The following NME7 variants were observed in gnomAD, a reference collection of about 807,000 sequenced individuals.
The protein encoded by NME7 is NME/NM23 family member 7, also known as nucleoside diphosphate kinase 7.
A neutral mutation model predicts 49.1 loss-of-function variants in NME7; 41 were observed. The ratio of observed to expected loss-of-function variants is 0.83; its 90% CI spans 0.65 to 1.08. The LOEUF is 1.08. Ranked by LOEUF, NME7 falls within the 50% of genes least tolerant of loss-of-function variation. NME7 has a pLI of 0.00. For synonymous variants in NME7, 139 were observed against 150.6 expected, an observed-to-expected ratio of 0.92 and a Z score of 0.56; for missense variants, 423 against 463.4, an observed-to-expected ratio of 0.91 and a Z score of 0.80.
At chr1:169,225,358 C>T (rs1647285278) in intron 10 of NME7, among the ~76,000 whole-genome samples, 1 of 152,202 alleles carries the variant, frequency 6.6e-6, no homozygotes, top group African/African-American at 2.4e-5. Flanking sequence ...ATCTGCCTAC[C>T]TCAGCCTTCC....
chr1:169,236,902 A>G (rs1483517201), intron 8 of NME7, among the ~76,000 whole-genome samples: 1 of 152,030 alleles, frequency 6.6e-6, no homozygotes, highest in Non-Finnish European at 1.5e-5. Context: ...TTCACTATCA[A>G]AAAAGCACAA....
chr1:169,175,382 A>G (rs1164684977), intron 10 of NME7, among the ~76,000 whole-genome samples: 2 of 152,190 alleles, frequency 1.3e-5, no homozygotes, highest in Admixed American at 6.5e-5. Context: ...TAGAAAAAGT[A>G]TACTCTAAAA....
intron 10 of NME7, among the ~76,000 whole-genome samples, chr1:169,213,227 A>G (rs1277325339): frequency 2.6e-5 from 4 of 152,164 alleles, no homozygotes; most frequent in Non-Finnish European, 4.4e-5. Context: ...GATCATTAAT[A>G]TATTTGTTGT....
intron 10 of NME7, among the ~76,000 whole-genome samples, chr1:169,180,245 T>C (rs565873663): frequency 1.3e-5 from 2 of 152,306 alleles, no homozygotes; most frequent in South Asian, 2.1e-4. Flanking sequence ...TTAGTAGATA[T>C]AATCATTGTC....
intron 11 of NME7, among the ~76,000 whole-genome samples, chr1:169,153,342 A>C (rs1658963204): frequency 6.6e-6 from 1 of 152,108 alleles, no homozygotes; most frequent in Admixed American, 6.5e-5. Flanking sequence ...CAAAGTCTCC[A>C]CAATCTAGCT....
At chr1:169,194,776 C>T (rs1660327294) in intron 10 of NME7, among the ~76,000 whole-genome samples, 2 of 152,132 alleles carry the variant, frequency 1.3e-5, no homozygotes, top group Non-Finnish European at 2.9e-5. Flanking sequence ...AAAGTCAAAA[C>T]TAAATTCAAA....
intron 3 of NME7, chr1:169,310,520 T>A (rs12067351): frequency 0.042 from 6,524 of 153,614 alleles, 204 homozygotes; most frequent in East Asian, 0.12. Context: ...GAAATAATTA[T>A]AAATTCTTCT....
intron 10 of NME7, among the ~76,000 whole-genome samples, chr1:169,219,648 C>T (rs985462688): frequency 1.2e-4 from 19 of 152,176 alleles, no homozygotes; most frequent in Non-Finnish European, 2.4e-4. Flanking sequence ...GATCCTTACA[C>T]CTCAGCATCT....
At chr1:169,271,182 C>G (rs1288639728) in intron 7 of NME7, among the ~76,000 whole-genome samples, 5 of 133,640 alleles carry the variant, frequency 3.7e-5, no homozygotes, top group African/African-American at 1.3e-4. Flanking sequence ...AGTGAAACCA[C>G]TGCATCCACA....
intron 10 of NME7, among the ~76,000 whole-genome samples, chr1:169,183,267 T>C (rs1359248518): frequency 1.3e-5 from 2 of 152,204 alleles, no homozygotes; most frequent in Admixed American, 1.3e-4. Context: ...CTGGTGAATA[T>C]CCATAGCATA....
intron 7 of NME7, among the ~76,000 whole-genome samples, chr1:169,253,547 C>T (rs962326191): frequency 1.3e-4 from 20 of 152,022 alleles, no homozygotes; most frequent in African/African-American, 4.1e-4. Flanking sequence ...AATTGAATAC[C>T]CTTTATTTCC....
intron 2 of NME7, among the ~76,000 whole-genome samples, chr1:169,324,191 C>T (rs1651964669): frequency 6.6e-6 from 1 of 151,828 alleles, no homozygotes; most frequent in Non-Finnish European, 1.5e-5. Flanking sequence ...ACAAAAAATT[C>T]CTATTTTTGA....
At chr1:169,212,565 T>C (rs1660856848) in intron 10 of NME7, among the ~76,000 whole-genome samples, 1 of 151,104 alleles carries the variant, frequency 6.6e-6, no homozygotes. Flanking sequence ...CTTCTTATTT[T>C]AACTCTCACA....
chr1:169,147,665 G>A (rs746920438), intron 11 of NME7, among the ~76,000 whole-genome samples: 21 of 152,172 alleles, frequency 1.4e-4, no homozygotes, highest in Non-Finnish European at 2.9e-4. Flanking sequence ...TTTAATAGCA[G>A]AGCTATCTTT....
Position 169,267,216 on chromosome 1 carries a change from G to A in NME7, c.754+20087C>T, listed in dbSNP as rs1649344208. 1.5e-5 allele frequency among the ~76,000 whole-genome samples: 2 copies of A among 133,600 alleles called. 1 individual carries two copies. Among genetic ancestry groups the A allele is most frequent in the South Asian group, 4.6e-4 (2 of 4,356 alleles). The allele number at this position is 133,600 out of a possible 152,430, so 87.6% of individuals were successfully genotyped here. The stretch of plus-strand genomic sequence containing the variant: ...TCTAGGAATACAGCTAACCAAGGAA[G>A]TTAAAGATCTCTATAATGAAAATTA... On this transcript the variant is annotated intron_variant, in intron 7 of 11. Transcript: ENST00000367811.
chr1:169,215,745 G>GT (rs1257452619), intron 10 of NME7, among the ~76,000 whole-genome samples: 1 of 152,152 alleles, frequency 6.6e-6, no homozygotes, highest in Admixed American at 6.5e-5. Flanking sequence ...AGAAAATGTG[G>GT]TATACATATA....
chr1:169,183,350 C>T (rs12753816), intron 10 of NME7, among the ~76,000 whole-genome samples: 36,388 of 151,904 alleles, frequency 0.24, 5,324 homozygotes, highest in Non-Finnish European at 0.34. Context: ...TTAGACATGT[C>T]TATTACTATT....
intron 11 of NME7, among the ~76,000 whole-genome samples, chr1:169,162,204 C>A (rs1462098814): frequency 6.6e-6 from 1 of 152,182 alleles, no homozygotes; most frequent in African/African-American, 2.4e-5. Flanking sequence ...ATAATTCCAT[C>A]TCTTATGTGG....
rs79602574 is a variant in NME7, at chr1:169,306,689, T to C, written c.389+3281A>G. Among the ~76,000 whole-genome samples, 81 of 152,230 alleles carry C rather than the reference T, an allele frequency of 5.3e-4. 1 individual carries two copies. Among genetic ancestry groups the C allele is most frequent in the African/African-American group, 1.9e-3 (77 of 41,546 alleles). On this transcript the variant is annotated intron_variant, in intron 4 of 11. Transcript: ENST00000367811. ...TAAGTGGTAGGTGATCATATGGACATGCATGGGACTACTCAAGTAAAGTTG... is the reference window on the plus strand; with the variant it reads ...TAAGTGGTAGGTGATCATATGGACACGCATGGGACTACTCAAGTAAAGTTG...
Sources: allele counts gnomAD v4.1 joint callset (sites outside exome capture counted in the v4.1 genomes callset), GRCh38; gene constraint gnomAD v4.1.1; transcripts MANE v1.5; gene names NCBI Gene and HGNC (gene_info 2026-07-23, HGNC 2026-07-21).